PIBF1: variants seen among roughly 807,000 people sequenced by gnomAD.
The protein encoded by PIBF1 is progesterone immunomodulatory binding factor 1, also known as progesterone-induced-blocking factor 1.
In PIBF1, 90 loss-of-function variants were observed where a neutral mutation model predicts 112.5. The observed-to-expected ratio is 0.80, with a 90% CI of 0.67 to 0.95. The LOEUF (loss-of-function observed/expected upper bound fraction) is 0.95. PIBF1 is among the 40% of genes least tolerant of loss of function. PIBF1 has a pLI of 0.00. For missense variants in PIBF1, 915 were observed against 852.3 expected (o/e 1.07, Z -0.92); for synonymous variants, 301 against 288.6 (o/e 1.04, Z -0.44).
chr13:72,845,045 T>C (rs1300960268), intron 9 of PIBF1, among the ~76,000 whole-genome samples: 4 of 151,900 alleles, frequency 2.6e-5, no homozygotes, highest in African/African-American at 9.7e-5. Flanking sequence ...TAGGTATACA[T>C]GTGCCATGGT....
At chr13:72,849,537 AT>A (rs1411027149) in intron 9 of PIBF1, among the ~76,000 whole-genome samples, 71 of 152,320 alleles carry the variant, frequency 4.7e-4, no homozygotes, top group African/African-American at 1.7e-3. Context: ...TACATCTAGC[AT>A]TTTATCAAAC....
At chr13:72,969,732 C>T (rs2042840867) in intron 15 of PIBF1, 1 of 152,162 alleles carries the variant, frequency 6.6e-6, no homozygotes, top group South Asian at 2.1e-4. Flanking sequence ...AAATACACAT[C>T]AGGCTGGTTT....
chr13:72,806,806 G>A (rs1474990346), intron 5 of PIBF1, among the ~76,000 whole-genome samples: 1 of 152,000 alleles, frequency 6.6e-6, no homozygotes, highest in Non-Finnish European at 1.5e-5. Flanking sequence ...TTGCTATTGT[G>A]AACAGTGCCA....
intron 11 of PIBF1, among the ~76,000 whole-genome samples, chr13:72,904,107 A>G (rs1019496590): frequency 1.4e-4 from 21 of 148,888 alleles, no homozygotes; most frequent in African/African-American, 5.3e-4. Flanking sequence ...TTTTTTTTTC[A>G]CTTTTCAGAT....
intron 10 of PIBF1, among the ~76,000 whole-genome samples, chr13:72,855,458 G>A (rs2038379722): frequency 6.6e-6 from 1 of 152,074 alleles, no homozygotes; most frequent in Non-Finnish European, 1.5e-5. Context: ...AGACCAGGTT[G>A]GGCAACATGG....
chr13:72,800,025 A>G (rs191417830), intron 5 of PIBF1, among the ~76,000 whole-genome samples: 253 of 152,332 alleles, frequency 1.7e-3, no homozygotes, highest in Non-Finnish European at 2.1e-3. Flanking sequence ...AGCAAAACCA[A>G]TATCATTAAA....
chr13:72,962,087 C>G (rs888113743), intron 14 of PIBF1, among the ~76,000 whole-genome samples: 1 of 152,032 alleles, frequency 6.6e-6, no homozygotes, highest in Non-Finnish European at 1.5e-5. Context: ...ATTGTTTATA[C>G]TGACTTATAA....
At chr13:72,918,304 TTC>T (rs1304672619) in intron 13 of PIBF1, among the ~76,000 whole-genome samples, 43 of 152,036 alleles carry the variant, frequency 2.8e-4, no homozygotes, top group Non-Finnish European at 4.4e-5. Context: ...AGCAGAGCAT[TTC>T]TCTTATCTCA....
chr13:72,820,535 T>C (rs1593972320), intron 5 of PIBF1, among the ~76,000 whole-genome samples: 3 of 152,302 alleles, frequency 2.0e-5, no homozygotes, highest in East Asian at 3.9e-4. Flanking sequence ...AATGTAGTTT[T>C]TCCATAATTA....
intron 16 of PIBF1, among the ~76,000 whole-genome samples, chr13:72,983,533 T>C (rs2043203996): frequency 6.6e-6 from 1 of 152,166 alleles, no homozygotes; most frequent in Non-Finnish European, 1.5e-5. Flanking sequence ...GTATGTCAGA[T>C]AATGAAAAGA....
intron 8 of PIBF1, among the ~76,000 whole-genome samples, chr13:72,834,176 T>C (rs1005797759): frequency 9.9e-5 from 15 of 152,208 alleles, no homozygotes; most frequent in African/African-American, 3.4e-4. Flanking sequence ...AAAAGAATTA[T>C]GAGGAGATGG....
At chr13:72,854,634 G>C (rs2038328183) in intron 10 of PIBF1, among the ~76,000 whole-genome samples, 1 of 152,122 alleles carries the variant, frequency 6.6e-6, no homozygotes, top group African/African-American at 2.4e-5. Flanking sequence ...TCATTTTGGT[G>C]GTTTCCAGTT....
chr13:72,968,362 G>T (rs374529894), intron 15 of PIBF1, among the ~76,000 whole-genome samples: 8 of 151,094 alleles, frequency 5.3e-5, no homozygotes, highest in Non-Finnish European at 1.0e-4. Context: ...GTGCAATGGC[G>T]CGATCTCGGC....
intron 13 of PIBF1, among the ~76,000 whole-genome samples, chr13:72,926,267 C>G (rs138995919): frequency 1.3e-3 from 199 of 152,240 alleles, no homozygotes; most frequent in Middle Eastern, 0.01. Context: ...AGTACACACT[C>G]AGCAATATAT....
intron 14 of PIBF1, among the ~76,000 whole-genome samples, chr13:72,950,608 C>T (rs1329447273): frequency 3.3e-5 from 5 of 152,158 alleles, no homozygotes; most frequent in African/African-American, 1.2e-4. Context: ...CCATTTAGCT[C>T]ATCATAAGAA....
At chr13:73,004,091 CT>C (rs1404430420) in intron 17 of PIBF1, among the ~76,000 whole-genome samples, 1 of 152,104 alleles carries the variant, frequency 6.6e-6, no homozygotes, top group African/African-American at 2.4e-5. Context: ...TTTTGGAGGA[CT>C]CTAGGTTGCC....
intron 2 of PIBF1, among the ~76,000 whole-genome samples, chr13:72,785,938 C>G (rs1289782318): frequency 6.6e-6 from 1 of 152,174 alleles, no homozygotes; most frequent in East Asian, 1.9e-4. Context: ...TTGGTTGATT[C>G]ATGACAGGCT....
intron 13 of PIBF1, among the ~76,000 whole-genome samples, chr13:72,928,638 C>T (rs2041611262): frequency 1.3e-5 from 2 of 152,164 alleles, no homozygotes; most frequent in South Asian, 4.1e-4. Context: ...CAGGGTTTCA[C>T]CATGTTGGCC....
At chr13:72,789,810 G>A (rs2034803187) in intron 2 of PIBF1, among the ~76,000 whole-genome samples, 1 of 151,980 alleles carries the variant, frequency 6.6e-6, no homozygotes, top group Non-Finnish European at 1.5e-5. Context: ...GGTCAACTGA[G>A]CATTTCCTTT....
Sources: allele counts gnomAD v4.1 joint callset (sites outside exome capture counted in the v4.1 genomes callset), GRCh38; gene constraint gnomAD v4.1.1; transcripts MANE v1.5; gene names NCBI Gene and HGNC (gene_info 2026-07-23, HGNC 2026-07-21).